Variants in KIF26B observed in about 807,000 individuals in gnomAD.
The protein encoded by KIF26B is kinesin family member 26B, also known as kinesin-like protein KIF26B.
A neutral mutation model predicts 151.2 loss-of-function variants in KIF26B; 63 were observed. The observed-to-expected ratio is 0.42, with a 90% CI of 0.34 to 0.51. The LOEUF (loss-of-function observed/expected upper bound fraction) is 0.51, where lower values mean the gene tolerates loss of function less well. Ranked by LOEUF, KIF26B falls within the 20% of genes least tolerant of loss-of-function variation. The pLI is 0.07. For missense variants in KIF26B, 2,813 were observed against 2,913.6 expected (o/e 0.97, Z 0.79); for synonymous variants, 1,357 against 1,262.1 (o/e 1.08, Z -1.59).
chr1:245,168,621 A>C (rs1381204623), intron 2 of KIF26B, among the ~76,000 whole-genome samples: 1 of 152,252 alleles, frequency 6.6e-6, no homozygotes, highest in Non-Finnish European at 1.5e-5. Context: ...GTAGCAGTAT[A>C]GGAACACCAG....
At chr1:245,693,536 G>A (rs947603448) in intron 12 of KIF26B, among the ~76,000 whole-genome samples, 2 of 152,190 alleles carry the variant, frequency 1.3e-5, no homozygotes, top group Non-Finnish European at 2.9e-5. Flanking sequence ...TAAGTGTTGA[G>A]TCTAGTCTGC....
intron 4 of KIF26B, among the ~76,000 whole-genome samples, chr1:245,462,571 A>G (rs1482658065): frequency 6.6e-6 from 1 of 152,180 alleles, no homozygotes; most frequent in African/African-American, 2.4e-5. Context: ...GGATTCCTTT[A>G]GTAGCATCTT....
intron 2 of KIF26B, among the ~76,000 whole-genome samples, chr1:245,281,674 C>G (rs1671056195): frequency 1.4e-5 from 2 of 146,814 alleles, no homozygotes; most frequent in Non-Finnish European, 3.0e-5. Context: ...ACATGAAGTC[C>G]TTGCCCATGC....
chr1:245,644,167 T>C (rs2043921543), intron 9 of KIF26B, among the ~76,000 whole-genome samples: 1 of 152,098 alleles, frequency 6.6e-6, no homozygotes, highest in Admixed American at 6.5e-5. Context: ...TTTTTTTCTG[T>C]GTTTTATTTG....
At position 245,664,758 on chromosome 1, in the gene KIF26B, T is replaced by A. The variant is rs117396796; in HGVS notation, c.2258+18478T>A. Among the ~76,000 whole-genome samples, 12 of 152,344 alleles carry A rather than the reference T, an allele frequency of 7.9e-5. No individual in the cohort carries two copies. The East Asian group carries it at 2.3e-3, about 29-fold the overall frequency. On this transcript the variant is annotated intron_variant, in intron 10 of 14. Coordinates refer to ENST00000407071, the MANE Select transcript of KIF26B (RefSeq NM_018012.4). ...AATAATCACTTAATATACTTTTGTG[T>A]ATTTTAATCATTGTCTTCACTATCT...
intron 4 of KIF26B, among the ~76,000 whole-genome samples, chr1:245,514,106 C>T (rs1437967914): frequency 6.6e-6 from 1 of 152,078 alleles, no homozygotes. Flanking sequence ...GTGTTCTCAC[C>T]ATAAAAAAGT....
chr1:245,484,492 C>A (rs1379047944), intron 4 of KIF26B, among the ~76,000 whole-genome samples: 1 of 151,776 alleles, frequency 6.6e-6, no homozygotes, highest in Non-Finnish European at 1.5e-5. Flanking sequence ...TGATGGTGAC[C>A]AGGCACTCCA....
intron 10 of KIF26B, among the ~76,000 whole-genome samples, chr1:245,657,659 C>T (rs2044089050): frequency 6.6e-6 from 1 of 152,090 alleles, no homozygotes; most frequent in South Asian, 2.1e-4. Flanking sequence ...AACACCCCAC[C>T]CCACCCCCAC....
chr1:245,384,111 C>G (rs1363351314), intron 3 of KIF26B, among the ~76,000 whole-genome samples: 1 of 152,162 alleles, frequency 6.6e-6, no homozygotes, highest in Non-Finnish European at 1.5e-5. Context: ...TTTTCTCAGC[C>G]TGGAGCAGAT....
intron 4 of KIF26B, among the ~76,000 whole-genome samples, chr1:245,513,011 GAC>G (rs1372905061): frequency 5.9e-5 from 9 of 152,192 alleles, no homozygotes; most frequent in Admixed American, 2.6e-4. Flanking sequence ...AGGGGAGACA[GAC>G]AGTCTTTCAT....
chr1:245,579,701 A>G (rs1206009675), intron 5 of KIF26B, among the ~76,000 whole-genome samples: 5 of 151,772 alleles, frequency 3.3e-5, no homozygotes. Flanking sequence ...AAACCAAATT[A>G]GCCCGGTGTG....
intron 4 of KIF26B, among the ~76,000 whole-genome samples, chr1:245,539,777 C>T (rs536021289): frequency 9.9e-5 from 15 of 152,204 alleles, no homozygotes; most frequent in East Asian, 7.7e-4. Flanking sequence ...CTCAGCCTCC[C>T]GAATAGCTGG....
intron 2 of KIF26B, among the ~76,000 whole-genome samples, chr1:245,205,697 TTTC>T (rs1669391013): frequency 7.8e-6 from 1 of 127,808 alleles, no homozygotes; most frequent in Non-Finnish European, 1.6e-5. Flanking sequence ...ACGTTTTCTT[TTTC>T]TTTCTTTTCT....
intron 2 of KIF26B, among the ~76,000 whole-genome samples, chr1:245,329,720 T>C (rs142889414): frequency 2.8e-4 from 43 of 152,350 alleles, no homozygotes; most frequent in Admixed American, 1.0e-3. Context: ...TGCTAGATGA[T>C]ATCATAGTAG....
chr1:245,372,024 C>T lies in KIF26B; in HGVS notation c.999+4657C>T, dbSNP rs1035291593. On this transcript the variant is annotated intron_variant, in intron 3 of 14. Transcript: ENST00000407071. Reference sequence around the variant, plus strand: ...ACAGAGAAAGCAGAAAATTCTCTAGCGCAGGGGTCCCCAGACCCCAGGCCA... The same window carrying T: ...ACAGAGAAAGCAGAAAATTCTCTAGTGCAGGGGTCCCCAGACCCCAGGCCA... Among the ~76,000 whole-genome samples, 9 of 115,004 alleles carry T rather than the reference C, an allele frequency of 7.8e-5. No individual in the cohort carries two copies. The South Asian group carries it at 1.5e-3, about 19-fold the overall frequency. 75.4% of individuals were successfully genotyped at this position (115,004 alleles called of 152,430 possible).
intron 5 of KIF26B, among the ~76,000 whole-genome samples, chr1:245,580,632 C>T (rs80333950): frequency 5.9e-5 from 9 of 152,192 alleles, no homozygotes; most frequent in Admixed American, 3.3e-4. Context: ...CAGGCAGGCC[C>T]ACTCCCTGGA....
At chr1:245,320,258 A>G (rs1335583305) in intron 2 of KIF26B, among the ~76,000 whole-genome samples, 2 of 152,232 alleles carry the variant, frequency 1.3e-5, no homozygotes, top group Non-Finnish European at 2.9e-5. Flanking sequence ...CTGAGTCCTG[A>G]TCCAAAGCTA....
intron 4 of KIF26B, among the ~76,000 whole-genome samples, chr1:245,445,067 C>A (rs1342131320): frequency 6.6e-6 from 1 of 152,150 alleles, no homozygotes; most frequent in Non-Finnish European, 1.5e-5. Flanking sequence ...AGAATCTGTC[C>A]TTTGCTCACT....
At chr1:245,666,900 C>G (rs1238265119) in intron 10 of KIF26B, among the ~76,000 whole-genome samples, 1 of 152,128 alleles carries the variant, frequency 6.6e-6, no homozygotes, top group Admixed American at 6.5e-5. Flanking sequence ...GTCTGAGTGG[C>G]TTGGCCAGAG....
Sources: gnomAD v4.1 joint callset for allele counts (sites outside exome capture counted in the v4.1 genomes callset) on GRCh38, gnomAD v4.1.1 for gene constraint, MANE v1.5 for transcripts, NCBI Gene and HGNC (gene_info 2026-07-23, HGNC 2026-07-21) for gene names.